Variants in PHKA1 observed in about 807,000 individuals in gnomAD.
The protein encoded by PHKA1 is phosphorylase kinase regulatory subunit alpha 1, also known as phosphorylase b kinase regulatory subunit alpha, skeletal muscle isoform.
In PHKA1, 60 loss-of-function variants were observed where a neutral mutation model predicts 110.2. That is an observed-to-expected ratio of 0.54 (90% CI 0.44 to 0.68). The LOEUF (loss-of-function observed/expected upper bound fraction) is 0.68. PHKA1 is among the 30% of genes least tolerant of loss of function. PHKA1 has a pLI of 0.00. For synonymous variants in PHKA1, 316 were observed against 333.6 expected (o/e 0.95, Z 0.58); for missense variants, 801 against 942.5 (o/e 0.85, Z 1.97).
At chrX:72,691,391 C>A (rs1800519142) in intron 4 of PHKA1, among the ~76,000 whole-genome samples, 1 of 111,872 alleles carries the variant, frequency 8.9e-6, no homozygotes, top group Non-Finnish European at 1.9e-5. Flanking sequence ...TCTTCTGGGT[C>A]CTTTAAATTT....
chrX:72,639,737 A>C (rs2053274741), intron 14 of PHKA1, among the ~76,000 whole-genome samples: 1 of 111,497 alleles, frequency 9.0e-6, no homozygotes. Flanking sequence ...TGTAAAATTG[A>C]TGGGCAAAAA....
intron 22 of PHKA1, among the ~76,000 whole-genome samples, chrX:72,610,478 C>A (rs1199119066): frequency 8.9e-6 from 1 of 111,855 alleles, no homozygotes; most frequent in Admixed American, 9.5e-5. Flanking sequence ...AGAATAATAT[C>A]CAATTGTGTA....
rs202212585 is a variant in PHKA1 at position 72,649,991 on chromosome X, C to CAA, written c.1324+397_1324+398dup. 6.4e-3 allele frequency among the ~76,000 whole-genome samples: 461 copies of CAA among 71,559 alleles called. 1 individual carries two copies. The highest frequency in any genetic ancestry group is 0.022 in the African/African-American group (426 of 19,394). The allele number at this position is 71,559 out of a possible 115,157, so 62.1% of individuals were successfully genotyped here. ...TGGGTGACAGAAAGAGACTCCCTCT[C>CAA]AAAAAAAAAAAAAAATACTAAGCGC... On this transcript the variant is annotated intron_variant, in intron 13 of 31. Coordinates refer to ENST00000373542, the MANE Select transcript of PHKA1 (RefSeq NM_002637.4).
chrX:72,591,581 C>T (rs1482553072), intron 29 of PHKA1, among the ~76,000 whole-genome samples: 1 of 110,354 alleles, frequency 9.1e-6, no homozygotes, highest in Non-Finnish European at 1.9e-5. Context: ...GAAAAAAAAA[C>T]CTTTACAGAA....
intron 12 of PHKA1, among the ~76,000 whole-genome samples, chrX:72,651,149 T>C (rs1309457921): frequency 8.9e-6 from 1 of 112,407 alleles, no homozygotes; most frequent in Non-Finnish European, 1.9e-5. Flanking sequence ...CATTTGTTCA[T>C]GTATCTACTA....
At chrX:72,621,036 A>G in intron 18 of PHKA1, 135 bp from the exon 19 acceptor site, 1 of 648,182 alleles carries the variant, frequency 1.5e-6, no homozygotes, top group Admixed American at 3.0e-5. Flanking sequence ...TTTTTAGCTC[A>G]TGGAGGAAAA....
chrX:72,637,547 C>T (rs183317765), intron 14 of PHKA1, among the ~76,000 whole-genome samples: 8 of 111,590 alleles, frequency 7.2e-5, no homozygotes, highest in African/African-American at 2.3e-4. Flanking sequence ...CCTATTTTTA[C>T]TTCTTTTGGA....
intron 2 of PHKA1, chrX:72,712,141 A>C (rs1356316290): frequency 1.8e-5 from 2 of 112,119 alleles, no homozygotes; most frequent in Non-Finnish European, 3.7e-5. Context: ...TTGGTCGTTG[A>C]AGAGGATGCA....
chrX:72,620,904 G>A lies in PHKA1; in HGVS notation c.1961-3C>T. ...AGCAACTTCATCACCACAGCGAGCT[G>A]CAAGGTTAGTGGGGGGAGGGGGAAG... On this transcript the variant is annotated splice_polypyrimidine_tract_variant and splice_region_variant and intron_variant, in intron 18 of 31. Coordinates refer to ENST00000373542, the MANE Select transcript of PHKA1 (RefSeq NM_002637.4). The A allele has an allele frequency of 8.3e-7, 1 of 1,210,174 alleles. No individual in the cohort carries two copies. The highest frequency in any genetic ancestry group is 1.8e-5 in the South Asian group (1 of 56,804).
intron 13 of PHKA1, among the ~76,000 whole-genome samples, chrX:72,646,754 A>G (rs1385863041): frequency 9.0e-6 from 1 of 111,436 alleles, no homozygotes; most frequent in Non-Finnish European, 1.9e-5. Context: ...ATACCATATT[A>G]ATACCTGTAC....
At chrX:72,645,337 A>G (rs965073680) in intron 13 of PHKA1, among the ~76,000 whole-genome samples, 1 of 112,493 alleles carries the variant, frequency 8.9e-6, no homozygotes, top group Non-Finnish European at 1.9e-5. Flanking sequence ...CAGGAAAAAG[A>G]ATGCACTGCT....
At chrX:72,677,902 TAGTC>T (rs1386185372) in intron 5 of PHKA1, among the ~76,000 whole-genome samples, 1 of 110,067 alleles carries the variant, frequency 9.1e-6, no homozygotes, top group Non-Finnish European at 1.9e-5. Flanking sequence ...TTTTTTTAAT[TAGTC>T]AGGCATGATG....
chrX:72,660,733 A>T, intron 8 of PHKA1: 1 of 305,549 alleles, frequency 3.3e-6, no homozygotes, highest in South Asian at 4.2e-5. Context: ...AAGATGTGCA[A>T]GAAGATTTAA....
intron 13 of PHKA1, among the ~76,000 whole-genome samples, chrX:72,648,599 A>C (rs2053389909): frequency 9.0e-6 from 1 of 111,054 alleles, no homozygotes; most frequent in Non-Finnish European, 1.9e-5. Context: ...TTAGCAGGCC[A>C]GGTAAAGGAT....
intron 6 of PHKA1, among the ~76,000 whole-genome samples, chrX:72,673,760 C>T (rs1184391805): frequency 9.2e-6 from 1 of 108,168 alleles, no homozygotes; most frequent in African/African-American, 3.4e-5. Context: ...GAAATGTAAA[C>T]TAGTGGAAAT....
chrX:72,693,851 G>A (rs2054071486), intron 4 of PHKA1, among the ~76,000 whole-genome samples: 1 of 111,505 alleles, frequency 9.0e-6, no homozygotes, highest in Non-Finnish European at 1.9e-5. Context: ...GCCATGCTGA[G>A]GTGGGGTGGA....
At chrX:72,620,568 T>C (rs2052962169) in intron 19 of PHKA1, among the ~76,000 whole-genome samples, 157 bp downstream of exon 19, 1 of 111,962 alleles carries the variant, frequency 8.9e-6, no homozygotes, top group Non-Finnish European at 1.9e-5. Context: ...TTTACAAATA[T>C]TTGAGTGTCT....
chrX:72,713,700 ACC>A (rs879970263), intron 1 of PHKA1, 101 bp downstream of exon 1: 30 of 619,491 alleles, frequency 4.8e-5, no homozygotes, highest in African/African-American at 3.7e-4. Flanking sequence ...ACACACACAC[ACC>A]CACACACGCA....
Position 72,582,470 on chromosome X carries a change from A to G in PHKA1, c.3426T>C (p.Ile1142=), listed in dbSNP as rs782132785. 8 of 1,204,356 alleles carry G rather than the reference A, an allele frequency of 6.6e-6. No homozygotes were observed. The East Asian group carries it at 2.4e-4, about 36-fold the overall frequency. Reference sequence around the variant, plus strand: ...CAGCAATGATGCTTCCGATGCTATGAATTTCAATATCTGCCAGCATGGTGA... The same window carrying G: ...CAGCAATGATGCTTCCGATGCTATGGATTTCAATATCTGCCAGCATGGTGA... ...LVLTMLADIE[I]HSIGSIIAVE... Residue 1142 remains isoleucine, a synonymous_variant, in exon 31 of 32, where the codon ATT becomes ATC. Coordinates refer to ENST00000373542, the MANE Select transcript of PHKA1 (RefSeq NM_002637.4).
Sources: allele counts gnomAD v4.1 joint callset (sites outside exome capture counted in the v4.1 genomes callset), GRCh38; gene constraint gnomAD v4.1.1; transcripts MANE v1.5; gene names NCBI Gene and HGNC (gene_info 2026-07-23, HGNC 2026-07-21).